Variants in ALDH7A1 observed in about 807,000 individuals in gnomAD.
ALDH7A1 encodes the protein alpha-aminoadipic semialdehyde dehydrogenase.
A neutral mutation model predicts 79.9 loss-of-function variants in ALDH7A1; 63 were observed. The observed-to-expected ratio is 0.79, with a 90% CI of 0.64 to 0.97. ALDH7A1 has a LOEUF of 0.97. ALDH7A1 is among the 50% of genes least tolerant of loss of function. The pLI, the probability that ALDH7A1 is intolerant of heterozygous loss-of-function variation, is 0.00. For synonymous variants in ALDH7A1, 240 were observed against 231.2 expected (o/e 1.04, Z -0.34); for missense variants, 627 against 665.2 (o/e 0.94, Z 0.63).
intron 11 of ALDH7A1, among the ~76,000 whole-genome samples, 167 bp from the exon 12 acceptor site, chr5:126,556,182 A>G (rs755106136): frequency 9.3e-5 from 14 of 151,206 alleles, no homozygotes; most frequent in Admixed American, 5.9e-4. Flanking sequence ...AATATTAACT[A>G]TATGAAGTCA....
At chr5:126,559,980 T>C (rs1445340202) in intron 10 of ALDH7A1, among the ~76,000 whole-genome samples, 1 of 148,470 alleles carries the variant, frequency 6.7e-6, no homozygotes, top group Non-Finnish European at 1.5e-5. Flanking sequence ...AGTCTCACTC[T>C]GTCACCCAGG....
At chr5:126,562,618 G>C (rs1392844438) in intron 9 of ALDH7A1, among the ~76,000 whole-genome samples, 1 of 152,126 alleles carries the variant, frequency 6.6e-6, no homozygotes, top group Non-Finnish European at 1.5e-5. Flanking sequence ...AGGAGGCCGA[G>C]GTGGGCAGAT....
At chr5:126,584,237 A>G in intron 3 of ALDH7A1, 1 of 524,802 alleles carries the variant, frequency 1.9e-6, no homozygotes, top group Non-Finnish European at 3.4e-6. Flanking sequence ...AAGGCAACAA[A>G]TAATTACAAA....
chr5:126,584,152 C>G, intron 3 of ALDH7A1, 140 bp from the exon 4 acceptor site: 1 of 754,492 alleles, frequency 1.3e-6, no homozygotes, highest in South Asian at 1.6e-5. Flanking sequence ...TGTGATATGG[C>G]CAGGCACTGG....
At chr5:126,582,705 A>G (rs1294521065) in intron 5 of ALDH7A1, 146 bp downstream of exon 5, 13 of 965,876 alleles carry the variant, frequency 1.3e-5, no homozygotes, top group Non-Finnish European at 2.0e-5. Context: ...TTTAATTTGC[A>G]TTTCTTTGAA....
chr5:126,546,699 T>C (rs1252244119), intron 16 of ALDH7A1, among the ~76,000 whole-genome samples: 1 of 151,742 alleles, frequency 6.6e-6, no homozygotes, highest in Non-Finnish European at 1.5e-5. Context: ...TGCATGCCTG[T>C]AACCCCACCG....
At chr5:126,591,417 C>A (rs142353148) in intron 3 of ALDH7A1, among the ~76,000 whole-genome samples, 20 of 152,160 alleles carry the variant, frequency 1.3e-4, no homozygotes, top group Admixed American at 6.6e-4. Context: ...CAACCCAGGG[C>A]TCTGTTGGAC....
chr5:126,570,153 G>C (rs957184184), intron 8 of ALDH7A1: 2 of 152,738 alleles, frequency 1.3e-5, no homozygotes, highest in Non-Finnish European at 1.5e-5. Flanking sequence ...CAGGGGGAAT[G>C]GGAAGAGACT....
chr5:126,593,518 C>T (rs774700063), intron 1 of ALDH7A1, 114 bp from the exon 2 acceptor site: 141 of 1,442,494 alleles, frequency 9.8e-5, no homozygotes, highest in Non-Finnish European at 1.3e-4. Flanking sequence ...AATACCCAAA[C>T]TCAAAAAGCT....
In ALDH7A1 at chr5:126,542,144, T is replaced by C. The variant is rs1202297442; in HGVS notation, c.*2821A>G. The C allele has an allele frequency of 1.5e-5, 1 of 68,826 alleles. No homozygotes were observed. Among genetic ancestry groups the C allele is most frequent in the South Asian group, 4.1e-4 (1 of 2,440 alleles). The allele number at this position is 68,826 out of a possible 1,614,324, so 4.3% of individuals were successfully genotyped here. On this transcript the variant is annotated 3_prime_UTR_variant, in exon 18 of 18. Transcript: ENST00000409134. ...GCTTCTGCAGGATAAGCTCCAGGTGTAGAAAAAAAAAAAAAAAAAAAAGTT... is the reference window on the plus strand; with the variant it reads ...GCTTCTGCAGGATAAGCTCCAGGTGCAGAAAAAAAAAAAAAAAAAAAAGTT...
intron 17 of ALDH7A1, among the ~76,000 whole-genome samples, chr5:126,545,265 GTTT>G (rs745764976): frequency 6.6e-6 from 1 of 151,946 alleles, no homozygotes; most frequent in South Asian, 2.1e-4. Flanking sequence ...GTTGGTGGTG[GTTT>G]TTGTTTGTTT....
chr5:126,559,082 T>C (rs954399506), intron 11 of ALDH7A1, among the ~76,000 whole-genome samples, 158 bp downstream of exon 11: 1 of 152,344 alleles, frequency 6.6e-6, no homozygotes, highest in African/African-American at 2.4e-5. Context: ...TAACAACATC[T>C]GCCATGAGCA....
chr5:126,565,394 C>CAAAAA (rs1162552475), intron 9 of ALDH7A1, among the ~76,000 whole-genome samples: 4 of 63,328 alleles, frequency 6.3e-5, no homozygotes, highest in Non-Finnish European at 1.1e-4. Flanking sequence ...GATTCCATCT[C>CAAAAA]AAAAAAAAAA....
chr5:126,561,093 A>G lies in ALDH7A1; in HGVS notation c.903T>C (p.Asn301=), dbSNP rs1355403944. ...GRSLLELGGN[N]AIIAFEDADL... Reference sequence around the variant, plus strand: ...AAGAGGCAGCCTTACCAATAATGGCATTGTTTCCTCCAAGTTCCAACAGAC... The same window carrying G: ...AAGAGGCAGCCTTACCAATAATGGCGTTGTTTCCTCCAAGTTCCAACAGAC... Residue 301 remains asparagine (N), a synonymous_variant, in exon 10 of 18, where the codon AAT becomes AAC. Transcript: ENST00000409134. 1 of 1,613,212 alleles carries G rather than the reference A, an allele frequency of 6.2e-7. No individual in the cohort carries two copies. The highest frequency in any genetic ancestry group is 2.2e-5 in the East Asian group (1 of 44,850).
intron 1 of ALDH7A1, 25 bp downstream of exon 1, chr5:126,594,982 A>C: frequency 6.4e-7 from 1 of 1,572,676 alleles, no homozygotes; most frequent in South Asian, 1.2e-5. Flanking sequence ...CGGCGGCTGC[A>C]GAGATTTCTT....
rs913306154 is a variant in ALDH7A1 at position 126,543,965 on chromosome 5, T to G, written c.*1000A>C. On this transcript the variant is annotated 3_prime_UTR_variant, in exon 18 of 18. Transcript: ENST00000409134. ...GTTGTATAAAAAAATCCAGATGCAC[T>G]TTTTTTTTTTTTTTTTTTTGTAGAC... 2 of 36,574 alleles carry G rather than the reference T, an allele frequency of 5.5e-5. No individual in the cohort carries two copies. The highest frequency in any genetic ancestry group is 1.3e-4 in the African/African-American group (2 of 15,950). 2.3% of individuals were successfully genotyped at this position (36,574 alleles called of 1,614,324 possible).
chr5:126,575,311 C>A, intron 7 of ALDH7A1, 109 bp downstream of exon 7: 1 of 1,014,594 alleles, frequency 9.9e-7, no homozygotes, highest in Non-Finnish European at 1.5e-6. Flanking sequence ...AAGAGGTTAT[C>A]CAAATTCCAT....
In ALDH7A1 at chr5:126,568,663, T is replaced by C. The variant is rs1205423293; in HGVS notation, c.774-307A>G. On this transcript the variant is annotated intron_variant, in intron 8 of 17. Transcript: ENST00000409134. ...GGACAATATGATCTTAGCATTTCCT[T>C]GCTGAGCATTCCAGTTTTACAAACT... is the stretch of plus-strand genomic sequence containing the variant. 5 of 373,948 alleles carry C rather than the reference T, an allele frequency of 1.3e-5. No homozygotes were observed. The East Asian group carries it at 2.4e-4, about 18-fold the overall frequency. The allele number at this position is 373,948 out of a possible 1,614,324, so 23.2% of individuals were successfully genotyped here. A position where few individuals can be genotyped will look rare whatever the true frequency, so the allele number is the denominator to read the frequency against.
chr5:126,550,287 C>T lies in ALDH7A1; in HGVS notation c.1324G>A (p.Glu442Lys), dbSNP rs1749948154. 1 of 1,610,430 alleles carries T rather than the reference C, an allele frequency of 6.2e-7. No homozygotes were observed. Among genetic ancestry groups the T allele is most frequent in the Non-Finnish European group, 8.5e-7 (1 of 1,177,148 alleles). The change falls in exon 15 of 18, where the codon GAA (glutamate) becomes AAA (lysine). Residue 442 changes from glutamate (E) to lysine (K), a missense_variant. Coordinates refer to ENST00000409134, the MANE Select transcript of ALDH7A1 (RefSeq NM_001182.5). ...ILYVFKFKNE[E>K]EVFAWNNEVK... ...TCATTATTCCATGCAAAGACCTCTT[C>T]TTCATTCTAAAAGGAGAGACATTGG...
Sources: gnomAD v4.1 joint callset for allele counts (sites outside exome capture counted in the v4.1 genomes callset) on GRCh38, gnomAD v4.1.1 for gene constraint, MANE v1.5 for transcripts, NCBI Gene and HGNC (gene_info 2026-07-23, HGNC 2026-07-21) for gene names.